The following ARHGEF4 variants were observed in gnomAD, a reference collection of about 807,000 sequenced individuals.
ARHGEF4 encodes APC-stimulated guanine nucleotide exchange factor 1.
In ARHGEF4, 119 loss-of-function variants were observed where a neutral mutation model predicts 162.0. The observed-to-expected ratio is 0.73, with a 90% CI of 0.63 to 0.86. ARHGEF4 has a LOEUF of 0.86. ARHGEF4 is among the 40% of genes least tolerant of loss of function. ARHGEF4 has a pLI of 0.00. For synonymous variants in ARHGEF4, 1,014 were observed against 979.9 expected, an observed-to-expected ratio of 1.03 and a Z score of -0.65; for missense variants, 2,488 against 2,456.0, an observed-to-expected ratio of 1.01 and a Z score of -0.28.
At chr2:131,003,948 A>T (rs1687938546) in intron 4 of ARHGEF4, among the ~76,000 whole-genome samples, 1 of 152,182 alleles carries the variant, frequency 6.6e-6, no homozygotes, top group Non-Finnish European at 1.5e-5. Context: ...CAGGACTTTT[A>T]AAAAAATCCT....
chr2:131,041,624 C>A, intron 9 of ARHGEF4, 162 bp downstream of exon 9: 1 of 1,097,904 alleles, frequency 9.1e-7, no homozygotes, highest in Non-Finnish European at 1.3e-6. Flanking sequence ...AAGAGGATGC[C>A]AACAGGATAT....
At chr2:130,905,286 G>A (rs1023290049) in intron 1 of ARHGEF4, among the ~76,000 whole-genome samples, 7 of 151,822 alleles carry the variant, frequency 4.6e-5, no homozygotes, top group African/African-American at 9.7e-5. Flanking sequence ...ATCATTTTCC[G>A]AGTGTTGAGC....
At chr2:131,036,872 T>A (rs552617116) in intron 5 of ARHGEF4, among the ~76,000 whole-genome samples, 1 of 152,282 alleles carries the variant, frequency 6.6e-6, no homozygotes, top group African/African-American at 2.4e-5. Flanking sequence ...CATGTCTGCT[T>A]CCTTCTTTCC....
At chr2:130,894,867 A>G (rs1338503443) in intron 1 of ARHGEF4, among the ~76,000 whole-genome samples, 1 of 151,914 alleles carries the variant, frequency 6.6e-6, no homozygotes, top group Non-Finnish European at 1.5e-5. Context: ...CTCCCCCATT[A>G]GTTTCTTTTG....
intron 4 of ARHGEF4, among the ~76,000 whole-genome samples, chr2:130,963,309 C>G (rs1441798567): frequency 6.6e-6 from 1 of 152,140 alleles, no homozygotes; most frequent in South Asian, 2.1e-4. Context: ...TGGCTGAGCG[C>G]AGATGAGGGT....
chr2:130,848,549 G>A (rs1290776449), intron 1 of ARHGEF4, among the ~76,000 whole-genome samples: 7 of 152,158 alleles, frequency 4.6e-5, no homozygotes, highest in Non-Finnish European at 7.4e-5. Flanking sequence ...CACCTCCTGC[G>A]TGGCATTCCC....
At chr2:130,885,965 T>C (rs939257975) in intron 1 of ARHGEF4, among the ~76,000 whole-genome samples, 1 of 152,040 alleles carries the variant, frequency 6.6e-6, no homozygotes, top group African/African-American at 2.4e-5. Flanking sequence ...ATAATCACAC[T>C]GTGAATCAAG....
chr2:130,939,163 G>A (rs1043339087), intron 3 of ARHGEF4, among the ~76,000 whole-genome samples: 1 of 152,170 alleles, frequency 6.6e-6, no homozygotes, highest in African/African-American at 2.4e-5. Flanking sequence ...GTATTTGGTT[G>A]TCTGTTCCTG....
At chr2:130,943,226 C>T in intron 3 of ARHGEF4, among the ~76,000 whole-genome samples, 1 of 151,926 alleles carries the variant, frequency 6.6e-6, no homozygotes, top group African/African-American at 2.4e-5. Context: ...GGTAATTTTC[C>T]TTGCTCTGAA....
At chr2:130,951,261 G>T (rs1225452775) in intron 4 of ARHGEF4, among the ~76,000 whole-genome samples, 2 of 152,156 alleles carry the variant, frequency 1.3e-5, no homozygotes, top group African/African-American at 2.4e-5. Context: ...TTCAGAACTT[G>T]GCTGTTTGGC....
intron 1 of ARHGEF4, among the ~76,000 whole-genome samples, chr2:130,846,545 A>T (rs113393946): frequency 6.6e-6 from 1 of 152,152 alleles, no homozygotes. Context: ...GGAGGTGCAC[A>T]TGGGGAGAGC....
At chr2:131,005,123 C>T (rs1445799221) in intron 4 of ARHGEF4, among the ~76,000 whole-genome samples, 1 of 152,152 alleles carries the variant, frequency 6.6e-6, no homozygotes, top group South Asian at 2.1e-4. Flanking sequence ...CACCCCTCGC[C>T]TGGGGTTTGC....
At chr2:130,913,443 T>C (rs879905831) in intron 1 of ARHGEF4, among the ~76,000 whole-genome samples, 2 of 152,276 alleles carry the variant, frequency 1.3e-5, no homozygotes, top group Non-Finnish European at 2.9e-5. Context: ...TTCAAAGCTT[T>C]ATAACATCCC....
intron 4 of ARHGEF4, among the ~76,000 whole-genome samples, chr2:130,965,960 A>G (rs1221669064): frequency 6.6e-6 from 1 of 152,136 alleles, no homozygotes; most frequent in East Asian, 1.9e-4. Context: ...CTGCCCGGCA[A>G]TGGCAGGGCA....
At chr2:130,999,304 G>C (rs1319043612) in intron 4 of ARHGEF4, among the ~76,000 whole-genome samples, 1 of 151,656 alleles carries the variant, frequency 6.6e-6, no homozygotes, top group African/African-American at 2.4e-5. Flanking sequence ...ACAGGCGCCC[G>C]CCACCACGCC....
rs184546844 is a variant in ARHGEF4, at chr2:131,035,085, G to A, written c.4126-3768G>A. On this transcript the variant is annotated intron_variant, in intron 5 of 13. Transcript: ENST00000409359. ...TCGGGGCCGCACGGAGCGGGAGGCC[G>A]GGCGCCATGGCGAGGGCCCCGCAGC... 6,551 of 1,042,744 alleles carry A rather than the reference G, an allele frequency of 6.3e-3. 330 individuals carry two copies. The African/African-American group carries it at 0.1, about 16-fold the overall frequency. The allele number at this position is 1,042,744 out of a possible 1,614,324, so 64.6% of individuals were successfully genotyped here.
Position 130,914,492 on chromosome 2 carries a change from G to GTGC in ARHGEF4, c.551_553dup (p.Cys184dup). The GTGC allele has an allele frequency of 1.4e-6, 2 of 1,432,930 alleles. No individual in the cohort carries two copies. The highest frequency in any genetic ancestry group is 3.0e-5 in the South Asian group (2 of 65,788). The allele number at this position is 1,432,930 out of a possible 1,614,324, so 88.8% of individuals were successfully genotyped here. On this transcript the variant is annotated inframe_insertion, in exon 2 of 14. Transcript: ENST00000409359. ...TGGCAGGGGTTCCCCGACACACAGGGTGCTGCTTACAGAGGGCCACAGACA... is the reference window on the plus strand; with the variant it reads ...TGGCAGGGGTTCCCCGACACACAGGGTGCTGCTGCTTACAGAGGGCCACAGACA...
intron 4 of ARHGEF4, among the ~76,000 whole-genome samples, chr2:131,020,319 C>G (rs1182906379): frequency 1.3e-5 from 2 of 148,514 alleles, no homozygotes; most frequent in Non-Finnish European, 3.0e-5. Flanking sequence ...AGGTATATCT[C>G]CTAATGCTAT....
At chr2:130,865,635 T>C (rs1380427443) in intron 1 of ARHGEF4, among the ~76,000 whole-genome samples, 2 of 152,232 alleles carry the variant, frequency 1.3e-5, no homozygotes, top group Non-Finnish European at 2.9e-5. Flanking sequence ...CTGATCTTTC[T>C]CTTTTCTGAT....
Sources: allele counts gnomAD v4.1 joint callset (sites outside exome capture counted in the v4.1 genomes callset), GRCh38; gene constraint gnomAD v4.1.1; transcripts MANE v1.5; gene names NCBI Gene and HGNC (gene_info 2026-07-23, HGNC 2026-07-21).